SPAM1: variants seen among roughly 807,000 people sequenced by gnomAD.
SPAM1 encodes the protein hyaluronidase PH-20.
SPAM1 carries 22 observed loss-of-function variants against 29.6 expected under a neutral mutation model. The ratio of observed to expected loss-of-function variants is 0.74; its 90% CI spans 0.53 to 1.06. The LOEUF is 1.06. Ranked by LOEUF, SPAM1 falls within the 50% of genes least tolerant of loss-of-function variation. The probability of loss-of-function intolerance (pLI) is 0.00; values close to 1 mark genes in which losing one functional copy is unlikely to be tolerated. For synonymous variants in SPAM1, 194 were observed against 204.6 expected, an observed-to-expected ratio of 0.95 and a Z score of 0.44; for missense variants, 534 against 604.0, an observed-to-expected ratio of 0.88 and a Z score of 1.21.
At chr7:123,938,344 CTG>C (rs1808321916) in intron 1 of SPAM1, among the ~76,000 whole-genome samples, 1 of 152,160 alleles carries the variant, frequency 6.6e-6, no homozygotes, top group African/African-American at 2.4e-5. Context: ...ACTTACCACT[CTG>C]ATAAGATTTT....
At chr7:123,965,180 C>T (rs139682620) in intron 5 of SPAM1, among the ~76,000 whole-genome samples, 1 of 152,020 alleles carries the variant, frequency 6.6e-6, no homozygotes, top group Admixed American at 6.6e-5. Context: ...ACTCCCAAGC[C>T]TGTGTATTCC....
chr7:123,940,314 T>C (rs1199883388), intron 1 of SPAM1, among the ~76,000 whole-genome samples: 2 of 152,156 alleles, frequency 1.3e-5, no homozygotes, highest in Non-Finnish European at 2.9e-5. Context: ...AAACTAATCC[T>C]AAAATTAAAG....
intron 5 of SPAM1, among the ~76,000 whole-genome samples, chr7:123,966,467 A>T (rs914654310): frequency 6.6e-6 from 1 of 152,126 alleles, no homozygotes; most frequent in African/African-American, 2.4e-5. Flanking sequence ...AGACACATGC[A>T]CATGTACGTT....
intron 1 of SPAM1, among the ~76,000 whole-genome samples, chr7:123,934,891 A>T (rs750934288): frequency 1.3e-5 from 2 of 152,192 alleles, no homozygotes; most frequent in Non-Finnish European, 2.9e-5. Context: ...ACAGCATGAC[A>T]GGAGGAATAA....
chr7:123,950,030 A>G (rs1010213701), intron 2 of SPAM1, 47 bp downstream of exon 2: 2 of 152,026 alleles, frequency 1.3e-5, no homozygotes, highest in African/African-American at 4.8e-5. Context: ...ACTTAGCAGA[A>G]GTGCTTTAAG....
chr7:123,935,027 C>A (rs1405117402), intron 1 of SPAM1, among the ~76,000 whole-genome samples: 1 of 152,080 alleles, frequency 6.6e-6, no homozygotes, highest in Non-Finnish European at 1.5e-5. Context: ...AATTAGATGA[C>A]AGATATGCTA....
chr7:123,944,942 G>A (rs961424096), intron 1 of SPAM1, among the ~76,000 whole-genome samples: 5 of 152,032 alleles, frequency 3.3e-5, no homozygotes, highest in African/African-American at 7.2e-5. Context: ...ATTATTTAGT[G>A]TATAAGTGGG....
intron 5 of SPAM1, among the ~76,000 whole-genome samples, chr7:123,968,642 ATAAGG>A (rs1266772310): frequency 6.6e-6 from 1 of 151,934 alleles, no homozygotes; most frequent in Non-Finnish European, 1.5e-5. Flanking sequence ...CAAGAAAAAG[ATAAGG>A]GCAGTGTCTT....
chr7:123,946,230 A>C (rs1004901875), intron 1 of SPAM1, among the ~76,000 whole-genome samples: 4 of 152,200 alleles, frequency 2.6e-5, no homozygotes, highest in African/African-American at 9.6e-5. Flanking sequence ...GGAAGCAAGT[A>C]AAACTCAGAA....
intron 6 of SPAM1, chr7:123,970,369 A>T (rs1191997104): frequency 9.1e-7 from 1 of 1,100,326 alleles, no homozygotes; most frequent in Non-Finnish European, 1.3e-6. Flanking sequence ...TAAGGACACC[A>T]GTCATGTTGG....
chr7:123,954,503 A>C lies in SPAM1; in HGVS notation c.933A>C (p.Gln311His). The C allele has an allele frequency of 6.3e-7, 1 of 1,594,262 alleles. No individual in the cohort carries two copies. The highest frequency in any genetic ancestry group is 1.3e-5 in the African/African-American group (1 of 74,472). Residue 311 changes from glutamine (Q) to histidine (H), a missense_variant, in exon 3 of 5, where the codon CAA (glutamine) becomes CAC (histidine). Coordinates refer to ENST00000682466, the MANE Select transcript of SPAM1 (RefSeq NM_153189.3). ...ATACCCGCATAGTTTTTACTGATCAAGTTTTGAAATTCCTTTCTCAAGTAA... is the reference window on the plus strand; with the variant it reads ...ATACCCGCATAGTTTTTACTGATCACGTTTTGAAATTCCTTTCTCAAGTAA... Reference protein sequence around the residue: ...FAYTRIVFTDQVLKFLSQDEL... With the variant: ...FAYTRIVFTDHVLKFLSQDEL...
At chr7:123,940,932 T>G (rs1486748612) in intron 1 of SPAM1, among the ~76,000 whole-genome samples, 1 of 152,226 alleles carries the variant, frequency 6.6e-6, no homozygotes, top group East Asian at 1.9e-4. Context: ...GGATTCAATA[T>G]TTCCAATTCA....
In SPAM1 at chr7:123,933,559, T is replaced by C. The variant is rs1308556611; in HGVS notation, c.-319+8207T>C. On this transcript the variant is annotated intron_variant, in intron 1 of 4. Transcript: ENST00000682466. ...ATGACTAGGAAATGTATTGGGGAAC[T>C]AATGGAAGATAAGAATTATTTAATA... Among the ~76,000 whole-genome samples the C allele has an allele frequency of 2.0e-5, 3 of 152,308 alleles. No individual in the cohort carries two copies. The East Asian group carries it at 5.8e-4, about 29-fold the overall frequency.
At position 123,954,477 on chromosome 7, in the gene SPAM1, T is replaced by C. The variant is rs755292470; in HGVS notation, c.907T>C (p.Tyr303His). ...DAKSPLPVFA[Y>H]TRIVFTDQVL... ...AAAAAGTCCACTTCCGGTTTTTGCA[T>C]ATACCCGCATAGTTTTTACTGATCA... is the stretch of plus-strand genomic sequence containing the variant. Residue 303 changes from tyrosine to histidine, a missense_variant, in exon 3 of 5, where the codon TAT becomes CAT. Tyr to His is a moderately conservative substitution (Grantham distance 83, BLOSUM62 2). Coordinates refer to ENST00000682466, the MANE Select transcript of SPAM1 (RefSeq NM_153189.3). 3.1e-6 allele frequency: 5 copies of C among 1,612,278 alleles called. No individual in the cohort carries two copies. In the Admixed American group the frequency reaches 8.4e-5, roughly 27 times the overall value.
intron 1 of SPAM1, among the ~76,000 whole-genome samples, chr7:123,936,881 A>G (rs543089523): frequency 6.6e-6 from 1 of 152,324 alleles, no homozygotes; most frequent in South Asian, 2.1e-4. Flanking sequence ...GGTGGAGATA[A>G]AGGGACAATT....
intron 1 of SPAM1, among the ~76,000 whole-genome samples, chr7:123,945,610 G>C (rs780722682): frequency 6.6e-5 from 10 of 152,126 alleles, no homozygotes; most frequent in Non-Finnish European, 1.2e-4. Flanking sequence ...AAAGAAAACA[G>C]AACACCCCAA....
In SPAM1 at chr7:123,959,542, A is replaced by G. The variant is rs1047951771; in HGVS notation, c.1103A>G (p.Asn368Ser). Residue 368 changes from asparagine to serine, a missense_variant, in exon 5 of 5, where the codon AAC becomes AGC. By Grantham distance (46) the Asn-to-Ser change is conservative. Transcript: ENST00000682466. ...METILNPYII[N>S]VTLAAKMCSQ... is the part of the protein sequence containing the mutation. ...ACTATACTGAATCCTTACATAATCA[A>G]CGTCACACTAGCAGCCAAAATGTGT... The G allele has an allele frequency of 4.3e-6, 7 of 1,613,020 alleles. No homozygotes were observed. In the Admixed American group the frequency reaches 8.4e-5, roughly 19 times the overall value.
chr7:123,970,608 A>AATAATAATAACAATT (rs376690940), intron 6 of SPAM1, among the ~76,000 whole-genome samples: 1 of 147,264 alleles, frequency 6.8e-6, no homozygotes, highest in Non-Finnish European at 1.5e-5. Flanking sequence ...TAATAATAAT[A>AATAATAATAACAATT]ATTATTATTA....
intron 1 of SPAM1, chr7:123,947,578 C>CACACACA (rs1808620142): frequency 2.0e-5 from 3 of 147,648 alleles, no homozygotes; most frequent in African/African-American, 7.5e-5. Context: ...GATTAAAACA[C>CACACACA]CACACACACA....
Sources: gnomAD v4.1 joint callset for allele counts (sites outside exome capture counted in the v4.1 genomes callset) on GRCh38, gnomAD v4.1.1 for gene constraint, MANE v1.5 for transcripts, NCBI Gene and HGNC (gene_info 2026-07-23, HGNC 2026-07-21) for gene names.